Variants in ZEB2 observed in about 807,000 individuals in gnomAD.
The protein encoded by ZEB2 is zinc finger E-box-binding homeobox 2.
Under a neutral mutation model 99.9 loss-of-function variants are expected in ZEB2, and 6 were observed. The ratio of observed to expected loss-of-function variants is 0.06; its 90% CI spans 0.03 to 0.12. ZEB2 has a LOEUF of 0.12. ZEB2 is among the 10% of genes least tolerant of loss of function. ZEB2 has a pLI of 1.00. For synonymous variants in ZEB2, 517 were observed against 542.5 expected (o/e 0.95, Z 0.65); for missense variants, 969 against 1,502.8 (o/e 0.64, Z 5.87).
At chr2:144,504,085 A>AC (rs1474742750) in intron 2 of ZEB2, 18 of 118,514 alleles carry the variant, frequency 1.5e-4, no homozygotes, top group Non-Finnish European at 2.6e-4. Context: ...ATTAGAAAAA[A>AC]AAAAAAAAAC....
intron 2 of ZEB2, among the ~76,000 whole-genome samples, chr2:144,444,446 C>A (rs1703958125): frequency 6.6e-6 from 1 of 152,178 alleles, no homozygotes; most frequent in South Asian, 2.1e-4. Flanking sequence ...GTGCTTGGAG[C>A]TTCAGAGGAC....
chr2:144,440,515 ATTTT>A (rs201944188), intron 2 of ZEB2, among the ~76,000 whole-genome samples: 177 of 32,682 alleles, frequency 5.4e-3, no homozygotes, highest in Non-Finnish European at 7.1e-3. Flanking sequence ...ATATATATAT[ATTTT>A]TTTTTTTTTT....
chr2:144,500,210 C>T (rs1704848398), intron 2 of ZEB2, among the ~76,000 whole-genome samples: 1 of 152,112 alleles, frequency 6.6e-6, no homozygotes, highest in Admixed American at 6.5e-5. Flanking sequence ...TCTGTACCAC[C>T]TGTTTTGGGC....
At chr2:144,484,517 G>A (rs1019853732) in intron 2 of ZEB2, among the ~76,000 whole-genome samples, 1 of 152,124 alleles carries the variant, frequency 6.6e-6, no homozygotes, top group Non-Finnish European at 1.5e-5. Context: ...GGAAACTAGT[G>A]GAAGACACAT....
At chr2:144,413,651 TGTGATA>T (rs1703495317) in intron 4 of ZEB2, among the ~76,000 whole-genome samples, 1 of 152,304 alleles carries the variant, frequency 6.6e-6, no homozygotes, top group African/African-American at 2.4e-5. Context: ...CCTATAAAAA[TGTGATA>T]GATACAACCA....
rs1703119978 is a variant in ZEB2 at position 144,389,097 on chromosome 2, A to G, written c.*354T>C. ...GCGGGCACCTTTTTAAAATGTATTA[A>G]TATAAATTAGACATAGTTTTTTAAA... On this transcript the variant is annotated 3_prime_UTR_variant, in exon 10 of 10. Coordinates refer to ENST00000627532, the MANE Select transcript of ZEB2 (RefSeq NM_014795.4). This position sits in a 1 kb window ranked among gnomAD's most constrained non-coding sequence, Gnocchi z 6.8. The G allele has an allele frequency of 1.9e-6, 1 of 533,044 alleles. No individual in the cohort carries two copies. The highest frequency in any genetic ancestry group is 3.3e-6 in the Non-Finnish European group (1 of 304,930). 33.0% of individuals were successfully genotyped at this position (533,044 alleles called of 1,614,324 possible).
intron 2 of ZEB2, chr2:144,494,681 T>C (rs1704735306): frequency 6.6e-6 from 1 of 152,188 alleles, no homozygotes; most frequent in Non-Finnish European, 1.5e-5. Context: ...AAATGCCTGT[T>C]TCATAAACTC....
intron 4 of ZEB2, among the ~76,000 whole-genome samples, chr2:144,421,926 A>G (rs1444861526): frequency 6.6e-6 from 1 of 152,164 alleles, no homozygotes; most frequent in Non-Finnish European, 1.5e-5. Context: ...CTTGTGTCTA[A>G]AGGCTGGTTC....
intron 2 of ZEB2, among the ~76,000 whole-genome samples, chr2:144,479,912 G>A (rs187975982): frequency 3.3e-4 from 50 of 152,120 alleles, no homozygotes; most frequent in Admixed American, 7.9e-4. Context: ...CACAAGCCCC[G>A]GGCCTCCCTG....
chr2:144,489,234 G>A (rs1704642716), intron 2 of ZEB2, among the ~76,000 whole-genome samples: 1 of 152,172 alleles, frequency 6.6e-6, no homozygotes, highest in Non-Finnish European at 1.5e-5. Context: ...AGCACATGTT[G>A]AAGTCTTAAA....
At chr2:144,448,882 A>T (rs553337616) in intron 2 of ZEB2, 3 of 152,380 alleles carry the variant, frequency 2.0e-5, no homozygotes, top group African/African-American at 4.8e-5. Flanking sequence ...GAGAAATGCC[A>T]CTAGTAAGGG....
chr2:144,439,937 GTCTT>G (rs1309397467), intron 2 of ZEB2, among the ~76,000 whole-genome samples: 1 of 152,122 alleles, frequency 6.6e-6, no homozygotes, highest in Non-Finnish European at 1.5e-5. Flanking sequence ...AATGCTGAAT[GTCTT>G]TCTTTCCAAC....
rs149882004 is a variant in ZEB2 at position 144,517,342 on chromosome 2, C to G, written c.9G>C (p.Gln3His). 240 of 1,613,638 alleles carry G rather than the reference C, an allele frequency of 1.5e-4. 3 individuals are homozygous for G. The East Asian group carries it at 2.5e-3, about 16-fold the overall frequency. Residue 3 changes from glutamine (Q) to histidine (H), a missense_variant, in exon 2 of 10, where the codon CAG becomes CAC. Transcript: ENST00000627532. ...ACCGGGGGCCATCCGCCATGATCGGCTGCTTCATTGATAAGAGCGGATCAG... is the reference window on the plus strand; with the variant it reads ...ACCGGGGGCCATCCGCCATGATCGGGTGCTTCATTGATAAGAGCGGATCAG... MK[Q>H]PIMADGPRCK... is the part of the protein sequence containing the mutation.
chr2:144,480,692 C>T (rs1704496870), intron 2 of ZEB2, among the ~76,000 whole-genome samples: 1 of 149,206 alleles, frequency 6.7e-6, no homozygotes, highest in South Asian at 2.1e-4. Flanking sequence ...TAGCCACCTA[C>T]CTGTCATCTC....
chr2:144,480,140 T>C (rs1250096382), intron 2 of ZEB2, among the ~76,000 whole-genome samples: 2 of 152,170 alleles, frequency 1.3e-5, no homozygotes, highest in Admixed American at 6.6e-5. Context: ...ATGAAAGCAA[T>C]AGTCTTTTAT....
chr2:144,492,456 C>A (rs1230246584), intron 2 of ZEB2, among the ~76,000 whole-genome samples: 1 of 152,152 alleles, frequency 6.6e-6, no homozygotes, highest in Non-Finnish European at 1.5e-5. Flanking sequence ...TTACCTGTTA[C>A]CAGTATTTCT....
At chr2:144,457,362 T>C (rs551092160) in intron 2 of ZEB2, among the ~76,000 whole-genome samples, 39 of 152,310 alleles carry the variant, frequency 2.6e-4, no homozygotes, top group African/African-American at 9.1e-4. Flanking sequence ...CTGGATCTGA[T>C]TCCTGACTCC....
chr2:144,427,274 C>T (rs931096212), intron 3 of ZEB2: 6 of 152,162 alleles, frequency 3.9e-5, no homozygotes, highest in East Asian at 1.9e-4. Flanking sequence ...CATTGTGGGA[C>T]GAAAGAATGT....
In ZEB2 at chr2:144,389,523, G is replaced by A. The variant is rs1182613414; in HGVS notation, c.3573C>T (p.Asp1191=). 2 of 1,613,806 alleles carry A rather than the reference G, an allele frequency of 1.2e-6. No individual in the cohort carries two copies. Among genetic ancestry groups the A allele is most frequent in the South Asian group, 1.1e-5 (1 of 91,068 alleles). The stretch of plus-strand genomic sequence containing the variant: ...CCATTTTCCCATCCTCCGAACTATC[G>A]TCCATGGAGTGATCTCCAGTCTCTT... ...DEEETGDHSM[D]DSSEDGKMET... The change falls in exon 10 of 10, where the codon GAC becomes GAT. Residue 1191 remains aspartate (D), a synonymous_variant. Coordinates refer to ENST00000627532, the MANE Select transcript of ZEB2 (RefSeq NM_014795.4). This position sits in a 1 kb window ranked among gnomAD's most constrained non-coding sequence, Gnocchi z 6.8.
Sources: allele counts gnomAD v4.1 joint callset (sites outside exome capture counted in the v4.1 genomes callset), GRCh38; gene constraint gnomAD v4.1.1; non-coding constraint Gnocchi (gnomAD v3.1); transcripts MANE v1.5; gene names NCBI Gene and HGNC (gene_info 2026-07-23, HGNC 2026-07-21).